The following PCDHGB2 variants were observed in gnomAD, a reference collection of about 807,000 sequenced individuals.
The protein encoded by PCDHGB2 is protocadherin gamma-B2.
PCDHGB2 carries 55 observed loss-of-function variants against 59.3 expected under a neutral mutation model. The observed-to-expected ratio is 0.93, with a 90% CI of 0.75 to 1.16. The LOEUF is 1.16. Ranked by LOEUF, PCDHGB2 falls within the 50% of genes most tolerant of loss-of-function variation. The pLI, the probability that PCDHGB2 is intolerant of heterozygous loss-of-function variation, is 0.00. For synonymous variants in PCDHGB2, 516 were observed against 512.0 expected (o/e 1.01, Z -0.11); for missense variants, 1,228 against 1,198.5 (o/e 1.02, Z -0.36).
intron 1 of PCDHGB2, chr5:141,421,287 C>T: frequency 1.2e-6 from 2 of 1,613,240 alleles, no homozygotes; most frequent in Non-Finnish European, 1.7e-6. Flanking sequence ...TGTGCATTTT[C>T]CTGGGGACGC....
At chr5:141,421,583 G>A (rs765321947) in intron 1 of PCDHGB2, 1 of 1,613,796 alleles carries the variant, frequency 6.2e-7, no homozygotes, top group African/African-American at 1.3e-5. Context: ...AAGATTTACG[G>A]AGTGGAGGTG....
chr5:141,418,840 C>G, intron 1 of PCDHGB2: 1 of 1,614,006 alleles, frequency 6.2e-7, no homozygotes. Flanking sequence ...GAGGATCTCT[C>G]TCAACACGGT....
At position 141,486,257 on chromosome 5, in the gene PCDHGB2, A is replaced by C; in HGVS notation, c.2422-8550A>C. 6.2e-7 allele frequency: 1 copy of C among 1,614,032 alleles called. No individual in the cohort carries two copies. The highest frequency in any genetic ancestry group is 8.5e-7 in the Non-Finnish European group (1 of 1,179,982). On this transcript the variant is annotated intron_variant, in intron 1 of 3. Transcript: ENST00000522605. The surrounding 1 kb of genome is among the most constrained non-coding windows in gnomAD (Gnocchi z 5.0). ...CTCAGAGCTTGGAACCCTCCCCGAG[A>C]GTGCAGAACCTGGCACTGTGGTGGC... is the stretch of plus-strand genomic sequence containing the variant.
Position 141,408,776 on chromosome 5 carries a change from C to T in PCDHGB2, c.2421+46220C>T, listed in dbSNP as rs748401410. 54 of 1,611,566 alleles carry T rather than the reference C, an allele frequency of 3.4e-5. No homozygotes were observed. The highest frequency in any genetic ancestry group is 4.4e-5 in the Non-Finnish European group (52 of 1,178,840). On this transcript the variant is annotated intron_variant, in intron 1 of 3. Coordinates refer to ENST00000522605, the MANE Select transcript of PCDHGB2 (RefSeq NM_018923.3). Reference sequence around the variant, plus strand: ...AGTTAATTCCGATGGTGGCAAATACCCAGAGTTATCTCTGGAGAAACTCCT... The same window carrying T: ...AGTTAATTCCGATGGTGGCAAATACTCAGAGTTATCTCTGGAGAAACTCCT...
Position 141,361,091 on chromosome 5 carries a change from T to C in PCDHGB2, c.956T>C (p.Ile319Thr), listed in dbSNP as rs1409498105. Residue 319 changes from isoleucine (I) to threonine (T), a missense_variant, in exon 1 of 4, where the codon ATC (isoleucine) becomes ACC (threonine). Ile to Thr is a moderately conservative substitution (Grantham distance 89). Coordinates refer to ENST00000522605, the MANE Select transcript of PCDHGB2 (RefSeq NM_018923.3). Reference sequence around the variant, plus strand: ...ATTGCAAGTAGTTACACTCTGAGTATCGAAGCAAAAGATCCTGGAGATCTA... The same window carrying C: ...ATTGCAAGTAGTTACACTCTGAGTACCGAAGCAAAAGATCCTGGAGATCTA... ...FEIASSYTLS[I>T]EAKDPGDLAA... 1.9e-6 allele frequency: 3 copies of C among 1,613,898 alleles called. No homozygotes were observed. The highest frequency in any genetic ancestry group is 2.5e-6 in the Non-Finnish European group (3 of 1,179,904).
chr5:141,391,155 T>C (rs2092309201), intron 1 of PCDHGB2: 1 of 152,250 alleles, frequency 6.6e-6, no homozygotes, highest in Non-Finnish European at 1.5e-5. Context: ...GAAAGAAATA[T>C]AGTCTTGAAA....
At chr5:141,385,250 G>A (rs1448897004) in intron 1 of PCDHGB2, 2 of 1,613,820 alleles carry the variant, frequency 1.2e-6, no homozygotes, top group Admixed American at 1.7e-5. Flanking sequence ...AGCCAGGAGA[G>A]CTGTGAGAAA....
chr5:141,493,641 G>A lies in PCDHGB2; in HGVS notation c.2422-1166G>A, dbSNP rs547664603. Among the ~76,000 whole-genome samples, 2 of 152,240 alleles carry A rather than the reference G, an allele frequency of 1.3e-5. No individual in the cohort carries two copies. The highest frequency in any genetic ancestry group is 3.9e-4 in the East Asian group (2 of 5,172). On this transcript the variant is annotated intron_variant, in intron 1 of 3. Coordinates refer to ENST00000522605, the MANE Select transcript of PCDHGB2 (RefSeq NM_018923.3). The surrounding 1 kb of genome is among the most constrained non-coding windows in gnomAD (Gnocchi z 4.3). The stretch of plus-strand genomic sequence containing the variant: ...CTAAGAATACAGTGGCTGAGGGCTG[G>A]CCATCCCTGTGCCCTTCTCCATGGC...
Position 141,410,515 on chromosome 5 carries a change from G to A in PCDHGB2, c.2421+47959G>A, listed in dbSNP as rs373451539. The A allele has an allele frequency of 1.9e-6, 3 of 1,613,828 alleles. No homozygotes were observed. The African/African-American group carries it at 4.0e-5, about 22-fold the overall frequency. On this transcript the variant is annotated intron_variant, in intron 1 of 3. Coordinates refer to ENST00000522605, the MANE Select transcript of PCDHGB2 (RefSeq NM_018923.3). ...AGTTTAATTTCCTAAAATGCAGTGT[G>A]CCCCTACATTCCAATGAAGACATGG...
intron 1 of PCDHGB2, chr5:141,402,800 C>A: frequency 9.3e-7 from 1 of 1,072,728 alleles, no homozygotes; most frequent in Non-Finnish European, 1.3e-6. Flanking sequence ...ACACAAAACC[C>A]GGCAGATACC....
At chr5:141,419,781 G>C (rs1331740421) in intron 1 of PCDHGB2, 1 of 1,614,032 alleles carries the variant, frequency 6.2e-7, no homozygotes. Context: ...GTCCGCCAGC[G>C]CCTGCTAGTC....
At chr5:141,444,152 ATTTTTTTTTTTTTTTTTTT>A (rs747671382) in intron 1 of PCDHGB2, among the ~76,000 whole-genome samples, 14 of 33,898 alleles carry the variant, frequency 4.1e-4, no homozygotes, top group South Asian at 3.1e-3. Flanking sequence ...TGTGTACTGG[ATTTTTTTTTTTTTTTTTTT>A]TTTTTTTTTT....
At position 141,361,132 on chromosome 5, in the gene PCDHGB2, A is replaced by C. The variant is rs958485360; in HGVS notation, c.997A>C (p.Ile333Leu). The C allele has an allele frequency of 6.2e-7, 1 of 1,613,986 alleles. No homozygotes were observed. Among genetic ancestry groups the C allele is most frequent in the Admixed American group, 1.7e-5 (1 of 60,010 alleles). Residue 333 changes from isoleucine (I) to leucine (L), a missense_variant, in exon 1 of 4, where the codon ATC becomes CTC. Transcript: ENST00000522605. Reference sequence around the variant, plus strand: ...TGGAGATCTAGCAGCCCACTGCAGTATCCAAGTTGAAATTCTTGATGACAA... The same window carrying C: ...TGGAGATCTAGCAGCCCACTGCAGTCTCCAAGTTGAAATTCTTGATGACAA... ...DPGDLAAHCS[I>L]QVEILDDNDC...
chr5:141,418,313 A>G (rs750036471), intron 1 of PCDHGB2: 2 of 1,614,038 alleles, frequency 1.2e-6, no homozygotes, highest in Middle Eastern at 1.6e-4. Context: ...GGGGATGGGA[A>G]CAATTCTTGA....
intron 1 of PCDHGB2, among the ~76,000 whole-genome samples, chr5:141,429,812 A>G (rs2097246172): frequency 6.6e-6 from 1 of 152,226 alleles, no homozygotes; most frequent in South Asian, 2.1e-4. Context: ...AGTAATTACA[A>G]TTAGGTCAGT....
intron 1 of PCDHGB2, chr5:141,374,346 G>A: frequency 1.2e-6 from 2 of 1,614,048 alleles, no homozygotes; most frequent in South Asian, 2.2e-5. Flanking sequence ...GTCACCGCGG[G>A]TAGGATAGAC....
chr5:141,430,635 T>A, intron 1 of PCDHGB2: 3 of 881,948 alleles, frequency 3.4e-6, no homozygotes, highest in Non-Finnish European at 5.0e-6. Flanking sequence ...GAACCATCCC[T>A]GGGAGTATGT....
intron 1 of PCDHGB2, chr5:141,441,925 T>C (rs926242217): frequency 2.8e-6 from 1 of 353,614 alleles, no homozygotes; most frequent in Non-Finnish European, 5.4e-6. Flanking sequence ...ACACAATGCG[T>C]GGCTGTCCTA....
intron 1 of PCDHGB2, among the ~76,000 whole-genome samples, chr5:141,467,628 CA>C (rs1301043003): frequency 6.6e-6 from 1 of 152,106 alleles, no homozygotes; most frequent in Non-Finnish European, 1.5e-5. Context: ...TTTGAGATAG[CA>C]TCTTTATCAT....
Sources: gnomAD v4.1 joint callset for allele counts (sites outside exome capture counted in the v4.1 genomes callset) on GRCh38, gnomAD v4.1.1 for gene constraint, Gnocchi (gnomAD v3.1) non-coding constraint, MANE v1.5 for transcripts, NCBI Gene and HGNC (gene_info 2026-07-23, HGNC 2026-07-21) for gene names.